Variants in APOO observed in about 807,000 individuals in gnomAD.
The protein encoded by APOO is apolipoprotein O.
In APOO, 11 loss-of-function variants were observed where a neutral mutation model predicts 23.1. That is an observed-to-expected ratio of 0.48 (90% CI 0.30 to 0.79). The LOEUF (loss-of-function observed/expected upper bound fraction) is 0.79, where lower values mean the gene tolerates loss of function less well. Among genes scored for constraint, APOO ranks in the 30% least tolerant of loss-of-function variants. The pLI, the probability that APOO is intolerant of heterozygous loss-of-function variation, is 0.07. For synonymous variants in APOO, 59 were observed against 54.8 expected, an observed-to-expected ratio of 1.08 and a Z score of -0.34; for missense variants, 160 against 142.7, an observed-to-expected ratio of 1.12 and a Z score of -0.62.
intron 5 of APOO, among the ~76,000 whole-genome samples, chrX:23,862,389 G>A: frequency 9.0e-6 from 1 of 111,571 alleles, no homozygotes; most frequent in East Asian, 2.8e-4. Context: ...AAATAATCAA[G>A]AAAATATAAG....
At chrX:23,857,921 A>C (rs758803100) in intron 6 of APOO, among the ~76,000 whole-genome samples, 1 of 111,381 alleles carries the variant, frequency 9.0e-6, no homozygotes, top group South Asian at 3.8e-4. Flanking sequence ...GGGCTTGCTA[A>C]AACACAGACT....
chrX:23,892,335 TCCG>T (rs112554431), intron 1 of APOO, among the ~76,000 whole-genome samples: 13,855 of 105,658 alleles, frequency 0.13, 957 homozygotes, highest in South Asian at 0.51. Context: ...CACTGCAACC[TCCG>T]CCGTCTCTCG....
At chrX:23,835,611 T>C (rs1315469905) in intron 8 of APOO, among the ~76,000 whole-genome samples, 1 of 111,472 alleles carries the variant, frequency 9.0e-6, no homozygotes, top group Non-Finnish European at 1.9e-5. Context: ...ATTAAGCAAC[T>C]AGAGAAGGAA....
In APOO at chrX:23,895,544, G is replaced by A. The variant is rs1051595647; in HGVS notation, c.9+12150C>T. On this transcript the variant is annotated intron_variant, in intron 1 of 8. Transcript: ENST00000379226. ...ATTAGGACAAACACCTAATGCATGC[G>A]GGGCTTAAAACCTAGATGACAGGTT... Among the ~76,000 whole-genome samples, 13 of 111,244 alleles carry A rather than the reference G, an allele frequency of 1.2e-4. No individual in the cohort carries two copies. In the Admixed American group the frequency reaches 1.3e-3, roughly 11 times the overall value.
intron 1 of APOO, among the ~76,000 whole-genome samples, chrX:23,897,866 G>A (rs1479507890): frequency 2.8e-5 from 3 of 107,946 alleles, no homozygotes; most frequent in African/African-American, 6.8e-5. Context: ...ATGGTGGCAC[G>A]TGCCCATAGT....
rs953553588 is a variant in APOO, at chrX:23,853,613, T to TG, written c.561+2688_561+2689insC. 5.1e-4 allele frequency among the ~76,000 whole-genome samples: 49 copies of TG among 95,320 alleles called. 1 individual carries two copies. In the South Asian group the frequency reaches 0.021, roughly 41 times the overall value. 82.8% of individuals were successfully genotyped at this position (95,320 alleles called of 115,157 possible). The stretch of plus-strand genomic sequence containing the variant: ...ATGAGCCACCGAGCCCGACCGTTTT[T>TG]TTTTTTTGTTTGTTTGTTTGTTTGT... On this transcript the variant is annotated intron_variant, in intron 7 of 8. Coordinates refer to ENST00000379226, the MANE Select transcript of APOO (RefSeq NM_024122.5).
chrX:23,865,140 C>T (rs1028355220), intron 5 of APOO, among the ~76,000 whole-genome samples: 4 of 111,500 alleles, frequency 3.6e-5, no homozygotes, highest in African/African-American at 1.3e-4. Flanking sequence ...TGGGGAGAGC[C>T]ACCAGAAGGC....
intron 3 of APOO, among the ~76,000 whole-genome samples, 195 bp from the exon 4 acceptor site, chrX:23,874,652 CAGCAGAATGGCTTACTACTGCCACAGGA>C (rs1925762977): frequency 9.0e-6 from 1 of 111,717 alleles, no homozygotes; most frequent in South Asian, 3.7e-4. Flanking sequence ...GCAAATTACT[CAGCAGAATGGCTTACTACTGCCACAGGA>C]AGCAGATTCC....
chrX:23,881,278 T>A (rs1265313065), intron 1 of APOO, among the ~76,000 whole-genome samples: 2 of 109,598 alleles, frequency 1.8e-5, no homozygotes, highest in Non-Finnish European at 3.8e-5. Flanking sequence ...ATTTGCCATG[T>A]TGGCCAGGCT....
chrX:23,861,501 A>G (rs1468426547), intron 5 of APOO, among the ~76,000 whole-genome samples: 6 of 101,177 alleles, frequency 5.9e-5, no homozygotes. Context: ...ACCCAGTGTT[A>G]GGTTATAGCA....
chrX:23,870,866 A>G (rs1411523466), intron 4 of APOO, among the ~76,000 whole-genome samples: 1 of 111,096 alleles, frequency 9.0e-6, no homozygotes, highest in Admixed American at 9.7e-5. Context: ...CGATGCAGGC[A>G]GATCACAAGG....
chrX:23,868,606 G>C lies in APOO; in HGVS notation c.375C>G (p.Leu125=). 1.7e-6 allele frequency: 2 copies of C among 1,205,389 alleles called. No homozygotes were observed. The highest frequency in any genetic ancestry group is 2.2e-6 in the Non-Finnish European group (2 of 892,718). The change falls in exon 5 of 9, where the codon CTC becomes CTG. Residue 125 remains leucine, a synonymous_variant. Coordinates refer to ENST00000379226, the MANE Select transcript of APOO (RefSeq NM_024122.5). ...AATTGCACCTACCTCTAGCCAAAAG[G>C]AGTCCAATAAGGCCAGCAAAACCAA... The part of the protein sequence containing the change: ...GVIGFAGLIG[L]LLARGSKIKK...
chrX:23,871,196 C>A (rs1925602450), intron 4 of APOO, among the ~76,000 whole-genome samples: 1 of 91,442 alleles, frequency 1.1e-5, no homozygotes, highest in African/African-American at 4.3e-5. Flanking sequence ...ACTAAAAATA[C>A]CAAAAAAAAA....
intron 1 of APOO, among the ~76,000 whole-genome samples, chrX:23,886,151 TG>T (rs1402010605): frequency 9.0e-6 from 1 of 111,445 alleles, no homozygotes; most frequent in Non-Finnish European, 1.9e-5. Flanking sequence ...AAATGTCTCC[TG>T]GGGAGCAACT....
chrX:23,838,259 G>A (rs182728729), intron 8 of APOO, among the ~76,000 whole-genome samples: 62 of 93,772 alleles, frequency 6.6e-4, no homozygotes, highest in Non-Finnish European at 1.2e-3. Context: ...GGAGGCTGAG[G>A]CAGGAGAATG....
intron 1 of APOO, among the ~76,000 whole-genome samples, chrX:23,890,439 T>A (rs769728057): frequency 8.9e-6 from 1 of 112,190 alleles, no homozygotes; most frequent in African/African-American, 3.2e-5. Flanking sequence ...GAGAAGAGCT[T>A]CTAGAGTGCT....
At chrX:23,845,340 A>T (rs1238772551) in intron 7 of APOO, among the ~76,000 whole-genome samples, 1 of 111,907 alleles carries the variant, frequency 8.9e-6, no homozygotes, top group Non-Finnish European at 1.9e-5. Flanking sequence ...GCTGTCATTT[A>T]AAAAAAATAC....
intron 8 of APOO, chrX:23,837,325 G>A (rs754720352): frequency 7.8e-6 from 6 of 771,794 alleles, no homozygotes; most frequent in South Asian, 2.2e-5. Flanking sequence ...CTTCATTCTC[G>A]CAGTAGACGC....
intron 4 of APOO, among the ~76,000 whole-genome samples, chrX:23,871,362 CA>C (rs750866169): frequency 0.43 from 24,044 of 56,188 alleles, 5,188 homozygotes; most frequent in African/African-American, 0.75. Context: ...GACTCCGTCT[CA>C]AAAAAAAAAA....
Sources: allele counts gnomAD v4.1 joint callset (sites outside exome capture counted in the v4.1 genomes callset), GRCh38; gene constraint gnomAD v4.1.1; transcripts MANE v1.5; gene names NCBI Gene and HGNC (gene_info 2026-07-23, HGNC 2026-07-21).